DCUN1D3: variants seen among roughly 807,000 people sequenced by gnomAD.
DCUN1D3 encodes defective in cullin neddylation 1 domain containing 3.
DCUN1D3 carries 6 observed loss-of-function variants against 24.8 expected under a neutral mutation model. That is an observed-to-expected ratio of 0.24 (90% CI 0.13 to 0.48). The LOEUF is 0.48. DCUN1D3 is among the 20% of genes least tolerant of loss of function. DCUN1D3 has a pLI of 0.99. For synonymous variants in DCUN1D3, 120 were observed against 144.9 expected, an observed-to-expected ratio of 0.83 and a Z score of 1.24; for missense variants, 258 against 379.4, an observed-to-expected ratio of 0.68 and a Z score of 2.66.
At chr16:20,876,860 T>C (rs1259491231) in intron 1 of DCUN1D3, among the ~76,000 whole-genome samples, 1 of 152,088 alleles carries the variant, frequency 6.6e-6, no homozygotes, top group Non-Finnish European at 1.5e-5. Flanking sequence ...GAAAGACAAA[T>C]AGCACATGTT....
chr16:20,891,290 C>A (rs2081891321), intron 1 of DCUN1D3, among the ~76,000 whole-genome samples: 2 of 152,138 alleles, frequency 1.3e-5, no homozygotes, highest in African/African-American at 4.8e-5. Context: ...CCATACCCGG[C>A]CGATTTTCTT....
chr16:20,882,252 A>ATTTTTTTTTTTTTTTTTTTTT (rs11310580), intron 1 of DCUN1D3, among the ~76,000 whole-genome samples: 4 of 135,516 alleles, frequency 3.0e-5, no homozygotes, highest in Non-Finnish European at 4.8e-5. Flanking sequence ...TAACATTGCT[A>ATTTTTTTTTTTTTTTTTTTTT]TTTTTTTTTT....
intron 1 of DCUN1D3, among the ~76,000 whole-genome samples, chr16:20,883,127 G>T (rs1182832429): frequency 6.6e-6 from 1 of 151,976 alleles, no homozygotes; most frequent in Non-Finnish European, 1.5e-5. Flanking sequence ...ATTTCCTTTG[G>T]GCCTCATGTC....
intron 1 of DCUN1D3, among the ~76,000 whole-genome samples, chr16:20,892,052 C>G (rs1407111119): frequency 6.6e-6 from 1 of 152,214 alleles, no homozygotes; most frequent in Admixed American, 6.5e-5. Context: ...ACAAGCTCAT[C>G]TCCGACAACT....
chr16:20,871,174 CT>C (rs1323705891), intron 1 of DCUN1D3, among the ~76,000 whole-genome samples: 1 of 152,246 alleles, frequency 6.6e-6, no homozygotes, highest in East Asian at 1.9e-4. Context: ...CCCAGAGCTA[CT>C]TGGGAGGGAA....
At chr16:20,879,772 A>G (rs1288280021) in intron 1 of DCUN1D3, among the ~76,000 whole-genome samples, 1 of 152,188 alleles carries the variant, frequency 6.6e-6, no homozygotes, top group Admixed American at 6.5e-5. Flanking sequence ...ATTATATAAC[A>G]AATCCACTTC....
At chr16:20,875,063 A>C (rs11074476) in intron 1 of DCUN1D3, among the ~76,000 whole-genome samples, 64,600 of 151,696 alleles carry the variant, frequency 0.43, 16,241 homozygotes, top group Non-Finnish European at 0.58. Context: ...GTCTATTAAA[A>C]CCCTGCCCTA....
rs75059522 is a variant in DCUN1D3, at chr16:20,890,231, C to T, written c.-106+9973G>A. The stretch of plus-strand genomic sequence containing the variant: ...ACCTGGGATGGGGAGTCATGGGAAC[C>T]TCCAAATTTATAGTCTGCTGGGCAG... On this transcript the variant is annotated intron_variant, in intron 1 of 2. Transcript: ENST00000324344. Among the ~76,000 whole-genome samples, 966 of 152,252 alleles carry T rather than the reference C, an allele frequency of 6.3e-3. 28 individuals carry two copies. The highest frequency in any genetic ancestry group is 0.046 in the Admixed American group (696 of 15,286).
intron 1 of DCUN1D3, among the ~76,000 whole-genome samples, chr16:20,879,068 C>A (rs1663140656): frequency 6.6e-6 from 1 of 152,186 alleles, no homozygotes; most frequent in African/African-American, 2.4e-5. Flanking sequence ...AATAGCAACA[C>A]CGGTGACTTT....
intron 1 of DCUN1D3, among the ~76,000 whole-genome samples, chr16:20,869,493 A>G (rs925317133): frequency 6.6e-6 from 1 of 152,190 alleles, no homozygotes; most frequent in Admixed American, 6.5e-5. Context: ...AGATTAGGAA[A>G]CAGGTCTCTT....
chr16:20,893,351 T>C (rs2081900893), intron 1 of DCUN1D3, among the ~76,000 whole-genome samples: 1 of 152,024 alleles, frequency 6.6e-6, no homozygotes, highest in Admixed American at 6.6e-5. Context: ...TTCCCTTATT[T>C]CTTGTAAAAT....
At chr16:20,899,653 T>C (rs2081951563) in intron 1 of DCUN1D3, among the ~76,000 whole-genome samples, 1 of 152,010 alleles carries the variant, frequency 6.6e-6, no homozygotes, top group African/African-American at 2.4e-5. Context: ...GAACAAACAA[T>C]ACATTTGTCA....
chr16:20,896,678 C>G (rs2081917527), intron 1 of DCUN1D3, among the ~76,000 whole-genome samples: 1 of 152,138 alleles, frequency 6.6e-6, no homozygotes, highest in African/African-American at 2.4e-5. Context: ...AGCTTAATAA[C>G]CCATCAGATA....
intron 1 of DCUN1D3, among the ~76,000 whole-genome samples, chr16:20,891,056 C>T (rs1444223327): frequency 2.0e-5 from 3 of 151,450 alleles, no homozygotes; most frequent in South Asian, 2.1e-4. Flanking sequence ...TGCTGTGGCG[C>T]GATCTTGGCT....
intron 1 of DCUN1D3, among the ~76,000 whole-genome samples, chr16:20,882,438 A>T (rs556525090): frequency 4.0e-5 from 6 of 150,980 alleles, no homozygotes; most frequent in African/African-American, 7.3e-5. Context: ...ATATATATAT[A>T]TTTTTTAGTA....
chr16:20,865,645 C>G (rs1596629941), intron 1 of DCUN1D3, among the ~76,000 whole-genome samples: 1 of 152,198 alleles, frequency 6.6e-6, no homozygotes, highest in Non-Finnish European at 1.5e-5. Flanking sequence ...CGGGCCTCCC[C>G]AGGTCTAGGG....
intron 1 of DCUN1D3, 98 bp from the exon 2 acceptor site, chr16:20,862,741 G>A: frequency 1.7e-6 from 2 of 1,202,922 alleles, no homozygotes; most frequent in East Asian, 2.6e-5. Context: ...CTATTTCCAT[G>A]AGCCAACAAC....
chr16:20,888,904 T>C (rs565547418), intron 1 of DCUN1D3, among the ~76,000 whole-genome samples: 2 of 152,246 alleles, frequency 1.3e-5, no homozygotes, highest in African/African-American at 2.4e-5. Flanking sequence ...CTGGCCAACA[T>C]AATGAAACCC....
At chr16:20,889,721 A>G (rs1459985813) in intron 1 of DCUN1D3, among the ~76,000 whole-genome samples, 1 of 152,158 alleles carries the variant, frequency 6.6e-6, no homozygotes, top group Non-Finnish European at 1.5e-5. Context: ...AGATCCTAAA[A>G]CCCTTGGAAT....
Sources: gnomAD v4.1 joint callset for allele counts (sites outside exome capture counted in the v4.1 genomes callset) on GRCh38, gnomAD v4.1.1 for gene constraint, MANE v1.5 for transcripts, NCBI Gene and HGNC (gene_info 2026-07-23, HGNC 2026-07-21) for gene names.